NAIP: variants seen among roughly 807,000 people sequenced by gnomAD.
The protein encoded by NAIP is baculoviral IAP repeat-containing protein 1.
Under a neutral mutation model 23.0 loss-of-function variants are expected in NAIP, and 15 were observed. The observed-to-expected ratio is 0.65, with a 90% CI of 0.44 to 1.00. The LOEUF (loss-of-function observed/expected upper bound fraction) is 1.00, where lower values mean the gene tolerates loss of function less well. NAIP is among the 50% of genes least tolerant of loss of function. The probability of loss-of-function intolerance (pLI) is 0.00; values close to 1 mark genes in which losing one functional copy is unlikely to be tolerated. For synonymous variants in NAIP, 100 were observed against 100.2 expected (o/e 1.00, Z 0.01); for missense variants, 265 against 278.8 (o/e 0.95, Z 0.35).
At chr5:71,011,981 C>T (rs1751180316) in intron 4 of NAIP, among the ~76,000 whole-genome samples, 1 of 151,424 alleles carries the variant, frequency 6.6e-6, no homozygotes, top group African/African-American at 2.4e-5. Context: ...TGAGAAGAAT[C>T]AAAGAAAGAT....
At position 70,969,583 on chromosome 5, in the gene NAIP, CA is replaced by C. The variant is rs1750081074; in HGVS notation, c.*520del. 1.8e-5 allele frequency: 2 copies of C among 109,694 alleles called. No homozygotes were observed. Among genetic ancestry groups the C allele is most frequent in the Non-Finnish European group, 3.7e-5 (2 of 53,890 alleles). 6.8% of individuals were successfully genotyped at this position (109,694 alleles called of 1,614,324 possible). A position where few individuals can be genotyped will look rare whatever the true frequency, so the allele number is the denominator to read the frequency against. ...GGAAAGTAAGTTAACTCTACTGTAC[CA>C]AAGCTAGTTCAATATAGAAAACAGG... On this transcript the variant is annotated 3_prime_UTR_variant, in exon 17 of 17. Transcript: ENST00000517649.
chr5:71,011,239 A>G lies in NAIP; in HGVS notation c.668+36T>C, dbSNP rs770135188. On this transcript the variant is annotated intron_variant, in intron 5 of 16. Transcript: ENST00000517649. ...CAGAGCAAGACTGTCTCAAAAAAAA[A>G]AGAAAGAAACATTTAAGCAAAAATT... 64 of 1,515,078 alleles carry G rather than the reference A, an allele frequency of 4.2e-5. 1 individual carries two copies. In the Admixed American group the frequency reaches 4.8e-4, roughly 11 times the overall value. 93.9% of individuals were successfully genotyped at this position (1,515,078 alleles called of 1,614,324 possible).
intron 5 of NAIP, among the ~76,000 whole-genome samples, chr5:71,009,582 T>G (rs2112915362): frequency 6.6e-6 from 1 of 151,060 alleles, no homozygotes; most frequent in South Asian, 2.1e-4. Flanking sequence ...TCTCAGTTAC[T>G]CGGAGGCTGA....
At chr5:70,978,472 G>A (rs2112874692) in intron 13 of NAIP, among the ~76,000 whole-genome samples, 3 of 131,742 alleles carry the variant, frequency 2.3e-5, no homozygotes, top group Middle Eastern at 6.9e-3. Context: ...TTGCATGCAA[G>A]TCTTTATGTC....
At chr5:71,014,505 TTAATCATCCC>T in intron 3 of NAIP, among the ~76,000 whole-genome samples, 1 of 151,782 alleles carries the variant, frequency 6.6e-6, no homozygotes, top group East Asian at 1.9e-4. Flanking sequence ...TTTTAGCCAG[TTAATCATCCC>T]TCCCTGGTGG....
intron 3 of NAIP, among the ~76,000 whole-genome samples, chr5:71,013,772 G>A (rs1051927335): frequency 6.6e-6 from 1 of 151,366 alleles, no homozygotes; most frequent in African/African-American, 2.4e-5. Flanking sequence ...GCAGTCACGG[G>A]CTTTGGTAAG....
intron 16 of NAIP, chr5:70,971,533 C>T: frequency 6.2e-6 from 1 of 162,182 alleles, no homozygotes; most frequent in Non-Finnish European, 1.3e-5. Context: ...CAAAATCCCA[C>T]CACTGCACTC....
At chr5:70,996,527 C>T (rs1750675165) in intron 9 of NAIP, among the ~76,000 whole-genome samples, 1 of 137,874 alleles carries the variant, frequency 7.3e-6, no homozygotes, top group African/African-American at 2.6e-5. Context: ...TGGCTCACGC[C>T]TGTAATCAGA....
rs1273074648 is a variant in NAIP, at chr5:71,016,051, G to A, written c.-3-3133C>T. 5.0e-3 allele frequency among the ~76,000 whole-genome samples: 738 copies of A among 147,226 alleles called. 1 individual carries two copies. Among genetic ancestry groups the A allele is most frequent in the African/African-American group, 0.018 (702 of 40,100 alleles). On this transcript the variant is annotated intron_variant, in intron 3 of 16. Coordinates refer to ENST00000517649, the MANE Select transcript of NAIP (RefSeq NM_004536.3). ...ACCCCAATGCTCTTGAGGCCAAGGC[G>A]GGAGGATTGCTTGAGACCAGGAGTT...
Position 71,012,380 on chromosome 5 carries a change from C to T in NAIP, c.536G>A (p.Cys179Tyr). The stretch of plus-strand genomic sequence containing the variant: ...GACAAAGCCAGCCTCTGAGAGCACA[C>T]AAGGGGATATCCCTTGGACATAAAA... ...WPFYVQGISP[C>Y]VLSEAGFVFT... The change falls in exon 4 of 17, where the codon TGT becomes TAT. Residue 179 changes from cysteine (C) to tyrosine (Y), a missense_variant. Transcript: ENST00000517649. The T allele has an allele frequency of 6.2e-7, 1 of 1,611,302 alleles. No individual in the cohort carries two copies. Among genetic ancestry groups the T allele is most frequent in the Non-Finnish European group, 8.5e-7 (1 of 1,178,156 alleles).
intron 4 of NAIP, among the ~76,000 whole-genome samples, 153 bp from the exon 5 acceptor site, chr5:71,011,527 C>T (rs1276043504): frequency 6.6e-6 from 1 of 151,530 alleles, no homozygotes; most frequent in Non-Finnish European, 1.5e-5. Context: ...AATCCCACCA[C>T]CCAAAATGGG....
chr5:71,010,284 T>A (rs1279431687), intron 5 of NAIP, among the ~76,000 whole-genome samples: 2 of 151,206 alleles, frequency 1.3e-5, no homozygotes, highest in Non-Finnish European at 3.0e-5. Flanking sequence ...ACTTTTTTTT[T>A]TTGAGACGGA....
rs1007856482 is a variant in NAIP at position 71,010,408 on chromosome 5, A to T, written c.668+867T>A. 2.2e-4 allele frequency among the ~76,000 whole-genome samples: 34 copies of T among 151,470 alleles called. 2 individuals carry two copies. The highest frequency in any genetic ancestry group is 1.5e-5 in the Non-Finnish European group (1 of 67,794). On this transcript the variant is annotated intron_variant, in intron 5 of 16. Transcript: ENST00000517649. Reference sequence around the variant, plus strand: ...CTCAGCCTCCCAAGTAGCTGGGACTACAGGCACCCGCCACCGTTCCCGGCT... The same window carrying T: ...CTCAGCCTCCCAAGTAGCTGGGACTTCAGGCACCCGCCACCGTTCCCGGCT...
chr5:71,015,482 C>T (rs1243165521), intron 3 of NAIP, among the ~76,000 whole-genome samples: 2 of 124,164 alleles, frequency 1.6e-5, no homozygotes, highest in African/African-American at 3.0e-5. Flanking sequence ...TATAATCCAT[C>T]GGGAGCAGTG....
chr5:71,017,410 GTTTA>G (rs1751492883), intron 3 of NAIP, among the ~76,000 whole-genome samples: 1 of 112,646 alleles, frequency 8.9e-6, no homozygotes, highest in African/African-American at 2.9e-5. Context: ...CATCCTAAAG[GTTTA>G]TTTGTTTAAT....
intron 4 of NAIP, among the ~76,000 whole-genome samples, chr5:71,012,024 G>A (rs1751183058): frequency 6.6e-6 from 1 of 151,552 alleles, no homozygotes. Flanking sequence ...GGTGGGTGAG[G>A]AGACTGGGAT....
chr5:71,012,096 T>A (rs1173751264), intron 4 of NAIP, among the ~76,000 whole-genome samples: 1 of 151,646 alleles, frequency 6.6e-6, no homozygotes, highest in African/African-American at 2.4e-5. Flanking sequence ...CAGTATTTTC[T>A]AAGGTCCAAG....
rs1051864728 is a variant in NAIP at position 71,010,559 on chromosome 5, G to A, written c.668+716C>T. 8.0e-5 allele frequency among the ~76,000 whole-genome samples: 12 copies of A among 150,720 alleles called. 1 individual carries two copies. Among genetic ancestry groups the A allele is most frequent in the African/African-American group, 2.7e-4 (11 of 41,036 alleles). On this transcript the variant is annotated intron_variant, in intron 5 of 16. Coordinates refer to ENST00000517649, the MANE Select transcript of NAIP (RefSeq NM_004536.3). Reference sequence around the variant, plus strand: ...TGGGATTACAGGTGTGAGCCACCGCGCCTGGCCAATTTTTTTTATTTTTGT... The same window carrying A: ...TGGGATTACAGGTGTGAGCCACCGCACCTGGCCAATTTTTTTTATTTTTGT...
intron 6 of NAIP, among the ~76,000 whole-genome samples, chr5:71,002,368 A>T (rs1490269790): frequency 0.049 from 787 of 16,168 alleles, no homozygotes; most frequent in Middle Eastern, 0.083. Flanking sequence ...TTTTTTTTGT[A>T]TTTTTAGTAG....
Sources: gnomAD v4.1 joint callset for allele counts (sites outside exome capture counted in the v4.1 genomes callset) on GRCh38, gnomAD v4.1.1 for gene constraint, MANE v1.5 for transcripts, NCBI Gene and HGNC (gene_info 2026-07-23, HGNC 2026-07-21) for gene names.